FAM193A: variants seen among roughly 807,000 people sequenced by gnomAD.
The protein encoded by FAM193A is protein FAM193A.
FAM193A carries 22 observed loss-of-function variants against 126.5 expected under a neutral mutation model. The ratio of observed to expected loss-of-function variants is 0.17; its 90% confidence interval spans 0.12 to 0.25. The LOEUF (loss-of-function observed/expected upper bound fraction) is 0.25, where lower values mean the gene tolerates loss of function less well. Among genes scored for constraint, FAM193A ranks in the 10% least tolerant of loss-of-function variants. FAM193A has a pLI of 1.00. For synonymous variants in FAM193A, 761 were observed against 646.8 expected (o/e 1.18, Z -2.68); for missense variants, 1,675 against 1,672.8 (o/e 1.00, Z -0.02).
chr4:2,700,381 G>A lies in FAM193A; in HGVS notation c.4209G>A (p.Leu1403=). ...VNSNNNNKKQ[L]NHIKDEKSNP... is the part of the protein sequence containing the mutation. ...GTAATAACAATAACAAAAAGCAGCT[G>A]AACCACATCAAGGACGAAAAGTCAA... The change falls in exon 19 of 21, where the codon CTG becomes CTA. Residue 1403 remains leucine (L), a synonymous_variant. Transcript: ENST00000637812. The A allele has an allele frequency of 1.2e-6, 2 of 1,614,092 alleles. No individual in the cohort carries two copies. Among genetic ancestry groups the A allele is most frequent in the Non-Finnish European group, 1.7e-6 (2 of 1,180,028 alleles).
intron 19 of FAM193A, among the ~76,000 whole-genome samples, chr4:2,700,776 C>A (rs1717633130): frequency 6.6e-6 from 1 of 151,258 alleles, no homozygotes; most frequent in African/African-American, 2.4e-5. Context: ...GCTTGGCCAA[C>A]ATGCTGAAAC....
chr4:2,682,169 A>G (rs1009194054), intron 13 of FAM193A, among the ~76,000 whole-genome samples: 2 of 151,668 alleles, frequency 1.3e-5, no homozygotes, highest in African/African-American at 2.4e-5. Flanking sequence ...TATATTTAGT[A>G]AAGACAGGGT....
intron 10 of FAM193A, 65 bp downstream of exon 10, chr4:2,660,119 C>G (rs1712241981): frequency 6.6e-7 from 1 of 1,509,948 alleles, no homozygotes; most frequent in Admixed American, 1.7e-5. Flanking sequence ...GAAATACATA[C>G]AGTAATGTCC....
upstream of FAM193A, among the ~76,000 whole-genome samples, chr4:2,535,646 G>A (rs1459195166): frequency 6.6e-6 from 1 of 151,734 alleles, no homozygotes; most frequent in African/African-American, 2.4e-5. Context: ...GGAGGGAGGA[G>A]GGTCCAGACG....
At chr4:2,705,886 C>CCTTAG (rs1718247610) in intron 19 of FAM193A, among the ~76,000 whole-genome samples, 1 of 152,096 alleles carries the variant, frequency 6.6e-6, no homozygotes. Flanking sequence ...CCATGCCCGG[C>CCTTAG]CTTAGCACCA....
intron 1 of FAM193A, among the ~76,000 whole-genome samples, chr4:2,581,765 C>T (rs907870904): frequency 8.6e-5 from 13 of 151,174 alleles, no homozygotes; most frequent in African/African-American, 1.9e-4. Flanking sequence ...ACCATTCTCC[C>T]GCCTCAGCCT....
upstream of FAM193A, among the ~76,000 whole-genome samples, chr4:2,536,356 G>A (rs1237400988): frequency 6.6e-6 from 1 of 151,794 alleles, no homozygotes; most frequent in Non-Finnish European, 1.5e-5. Flanking sequence ...CATCACCGCC[G>A]CATCCAGCTC....
intron 1 of FAM193A, among the ~76,000 whole-genome samples, chr4:2,574,222 A>G (rs969075180): frequency 2.1e-5 from 3 of 140,478 alleles, no homozygotes; most frequent in Non-Finnish European, 4.4e-5. Flanking sequence ...CTCTCTTGAC[A>G]TGTGCTGTGG....
chr4:2,719,432 A>G (rs553900097), intron 20 of FAM193A, among the ~76,000 whole-genome samples: 1 of 152,336 alleles, frequency 6.6e-6, no homozygotes, highest in Non-Finnish European at 1.5e-5. Flanking sequence ...AGGAACGCAA[A>G]TAGTGTTTCA....
intron 2 of FAM193A, 34 bp from the exon 3 acceptor site, chr4:2,625,228 A>G (rs1289844858): frequency 1.5e-6 from 1 of 650,782 alleles, no homozygotes. Flanking sequence ...ACATTTTAAC[A>G]TAACTGGTCT....
intron 18 of FAM193A, among the ~76,000 whole-genome samples, chr4:2,697,974 G>C (rs1717230040): frequency 6.6e-6 from 1 of 152,202 alleles, no homozygotes; most frequent in Admixed American, 6.5e-5. Flanking sequence ...CTTGCAGGTG[G>C]TCTGAATCCA....
At position 2,625,316 on chromosome 4, in the gene FAM193A, A is replaced by G. The variant is rs1167808717; in HGVS notation, c.556A>G (p.Ser186Gly). The change falls in exon 3 of 21, where the codon AGT becomes GGT. Residue 186 changes from serine (S) to glycine (G), a missense_variant. Physicochemically the swap from Ser to Gly is moderately conservative, Grantham distance 56 (BLOSUM62 0). Transcript: ENST00000637812. ...TGGTGGCTCCCAGCCAGAGGCCGGC[A>G]GTGGTGGGAGGCTCGCTCTGGGTGC... The part of the protein sequence containing the change: ...SLGGSQPEAG[S>G]GGRLALGAQT... 2.8e-6 allele frequency: 2 copies of G among 703,042 alleles called. No individual in the cohort carries two copies. Among genetic ancestry groups the G allele is most frequent in the South Asian group, 1.5e-5 (1 of 67,600 alleles). The allele number at this position is 703,042 out of a possible 1,614,324, so 43.6% of individuals were successfully genotyped here.
chr4:2,726,053 C>A (rs574681046), intron 20 of FAM193A, among the ~76,000 whole-genome samples: 2 of 152,266 alleles, frequency 1.3e-5, no homozygotes, highest in East Asian at 3.9e-4. Context: ...CGCCCGCCAC[C>A]ACGCCTGGCA....
chr4:2,731,519 C>T (rs935265338), intron 20 of FAM193A, among the ~76,000 whole-genome samples: 2 of 152,070 alleles, frequency 1.3e-5, no homozygotes, highest in Admixed American at 6.6e-5. Context: ...TCACAGCTCT[C>T]AGATTAAACG....
At chr4:2,727,466 A>G (rs547256316) in intron 20 of FAM193A, among the ~76,000 whole-genome samples, 14 of 152,300 alleles carry the variant, frequency 9.2e-5, no homozygotes, top group Non-Finnish European at 1.3e-4. Flanking sequence ...ATTCCCGCTG[A>G]GACTGGATTT....
intron 2 of FAM193A, among the ~76,000 whole-genome samples, chr4:2,606,045 C>CTTTTTTTTTT (rs1170025017): frequency 1.6e-5 from 1 of 61,004 alleles, no homozygotes; most frequent in Non-Finnish European, 2.9e-5. Context: ...TTGCAAACCT[C>CTTTTTTTTTT]TTTTTTTTTT....
At chr4:2,662,547 G>C (rs573032537) in intron 10 of FAM193A, among the ~76,000 whole-genome samples, 1 of 152,178 alleles carries the variant, frequency 6.6e-6, no homozygotes, top group East Asian at 1.9e-4. Context: ...AAATGGAAAC[G>C]TTAATCAGTC....
At chr4:2,540,245 G>A (rs1477359195) in intron 1 of FAM193A, among the ~76,000 whole-genome samples, 3 of 152,108 alleles carry the variant, frequency 2.0e-5, no homozygotes, top group African/African-American at 7.2e-5. Context: ...CGAGGCAGGC[G>A]GATCACGAGG....
intron 20 of FAM193A, among the ~76,000 whole-genome samples, chr4:2,723,510 G>T (rs1471241184): frequency 6.6e-6 from 1 of 150,948 alleles, no homozygotes; most frequent in Non-Finnish European, 1.5e-5. Context: ...GGAGGCGGAG[G>T]TTGCAGTGAG....
Sources: allele counts gnomAD v4.1 joint callset (sites outside exome capture counted in the v4.1 genomes callset), GRCh38; gene constraint gnomAD v4.1.1; transcripts MANE v1.5; gene names NCBI Gene and HGNC (gene_info 2026-07-23, HGNC 2026-07-21).